SYN1: variants seen among roughly 807,000 people sequenced by gnomAD.
SYN1 encodes the protein synapsin-1.
SYN1 carries 8 observed loss-of-function variants against 44.6 expected under a neutral mutation model. The observed-to-expected ratio is 0.18, with a 90% CI of 0.11 to 0.32. The LOEUF (loss-of-function observed/expected upper bound fraction) is 0.32, where lower values mean the gene tolerates loss of function less well. Ranked by LOEUF, SYN1 falls within the 10% of genes least tolerant of loss-of-function variation. SYN1 has a pLI of 1.00. For missense variants in SYN1, 451 were observed against 639.4 expected, an observed-to-expected ratio of 0.71 and a Z score of 3.18; for synonymous variants, 275 against 280.1, an observed-to-expected ratio of 0.98 and a Z score of 0.18.
chrX:47,580,406 G>A (rs960519522), intron 5 of SYN1, among the ~76,000 whole-genome samples: 5 of 108,788 alleles, frequency 4.6e-5, no homozygotes, highest in Non-Finnish European at 7.7e-5. Context: ...TGAGGTGGGC[G>A]GATCACCCGA....
chrX:47,609,203 C>T (rs940382517), intron 1 of SYN1, among the ~76,000 whole-genome samples: 11 of 112,050 alleles, frequency 9.8e-5, no homozygotes, highest in African/African-American at 3.6e-4. Flanking sequence ...CTGCTCAGGC[C>T]TCCTCTTCAG....
chrX:47,583,787 G>A (rs1024396799), intron 5 of SYN1, among the ~76,000 whole-genome samples: 2 of 111,780 alleles, frequency 1.8e-5, no homozygotes, highest in African/African-American at 3.3e-5. Context: ...TGCCTCAAAC[G>A]TCACCTTCTC....
intron 1 of SYN1, among the ~76,000 whole-genome samples, chrX:47,618,779 T>C (rs761724438): frequency 2.0e-4 from 22 of 111,234 alleles, no homozygotes; most frequent in Admixed American, 1.1e-3. Context: ...CTAAATAGTT[T>C]AAAAGGGCTT....
intron 5 of SYN1, among the ~76,000 whole-genome samples, chrX:47,602,502 C>T (rs1330688550): frequency 9.0e-6 from 1 of 110,794 alleles, no homozygotes; most frequent in African/African-American, 3.3e-5. Flanking sequence ...AGTAGCTGGG[C>T]GTGGTGGCAC....
At chrX:47,580,415 G>A (rs991992356) in intron 5 of SYN1, among the ~76,000 whole-genome samples, 6 of 108,689 alleles carry the variant, frequency 5.5e-5, no homozygotes, top group East Asian at 3.0e-4. Flanking sequence ...CGGATCACCC[G>A]AGGTCAGGAG....
At chrX:47,607,270 C>T in intron 1 of SYN1, 72 bp from the exon 2 acceptor site, 1 of 994,783 alleles carries the variant, frequency 1.0e-6, no homozygotes. Context: ...GGCCCTTGAC[C>T]CTTTTGCCCC....
At chrX:47,603,830 T>C (rs1250284725) in intron 5 of SYN1, among the ~76,000 whole-genome samples, 9 of 109,476 alleles carry the variant, frequency 8.2e-5, no homozygotes, top group African/African-American at 3.0e-4. Context: ...ACATAGGTAC[T>C]CATAATTTAC....
rs1471611020 is a variant in SYN1 at position 47,574,543 on chromosome X, A to G, written c.1441T>C (p.Leu481=). The change falls in exon 12 of 13, where the codon TTG becomes CTG. Residue 481 remains leucine (L), a synonymous_variant. Coordinates refer to ENST00000295987, the MANE Select transcript of SYN1 (RefSeq NM_006950.3). Reference sequence around the variant, plus strand: ...CCCTGCGGGGGCGGGCGCTGCTGCAATGGGGGTCCCTGGCGCTGGGGGCCT... The same window carrying G: ...CCCTGCGGGGGCGGGCGCTGCTGCAGTGGGGGTCCCTGGCGCTGGGGGCCT... ...GPGPQRQGPP[L]QQRPPPQGQQ... 16 of 1,079,002 alleles carry G rather than the reference A, an allele frequency of 1.5e-5. No homozygotes were observed. The South Asian group carries it at 2.3e-4, about 16-fold the overall frequency. 88.9% of individuals were successfully genotyped at this position (1,079,002 alleles called of 1,213,427 possible). A position where few individuals can be genotyped will look rare whatever the true frequency, so the allele number is the denominator to read the frequency against.
chrX:47,583,087 C>G (rs2057806416), intron 5 of SYN1, among the ~76,000 whole-genome samples: 1 of 98,551 alleles, frequency 1.0e-5, no homozygotes, highest in Non-Finnish European at 2.1e-5. Flanking sequence ...TCCTCACCCC[C>G]AAACTCCTCA....
At chrX:47,580,494 G>C (rs1387128434) in intron 5 of SYN1, among the ~76,000 whole-genome samples, 1 of 109,791 alleles carries the variant, frequency 9.1e-6, no homozygotes, top group Non-Finnish European at 1.9e-5. Flanking sequence ...AGCCAGGCGT[G>C]GTGGCGTGTG....
At chrX:47,603,695 G>A (rs2057886550) in intron 5 of SYN1, among the ~76,000 whole-genome samples, 1 of 110,066 alleles carries the variant, frequency 9.1e-6, no homozygotes, top group African/African-American at 3.3e-5. Flanking sequence ...GTCAAAACAG[G>A]TACTTATAAT....
intron 5 of SYN1, among the ~76,000 whole-genome samples, chrX:47,604,314 G>A (rs750839753): frequency 6.3e-5 from 7 of 110,681 alleles, no homozygotes; most frequent in African/African-American, 1.3e-4. Context: ...GTGCAGTGGC[G>A]TGATCTCTGG....
chrX:47,618,848 AT>A (rs1298543263), intron 1 of SYN1, among the ~76,000 whole-genome samples: 3 of 111,915 alleles, frequency 2.7e-5, no homozygotes, highest in Admixed American at 1.9e-4. Context: ...CACAAGACCC[AT>A]TAGAGAAGGC....
chrX:47,605,418 G>C (rs1488589044), intron 3 of SYN1, 39 bp from the exon 4 acceptor site: 1 of 1,202,239 alleles, frequency 8.3e-7, no homozygotes, highest in Non-Finnish European at 1.1e-6. Flanking sequence ...AGTTCCCCCA[G>C]AAGCTCCCAA....
intron 5 of SYN1, among the ~76,000 whole-genome samples, chrX:47,595,538 G>A (rs954906685): frequency 1.3e-4 from 15 of 112,106 alleles, no homozygotes; most frequent in Non-Finnish European, 2.1e-4. Context: ...GCTTCTTGGT[G>A]TGTGTGTAAA....
At chrX:47,595,753 G>A (rs1255744613) in intron 5 of SYN1, among the ~76,000 whole-genome samples, 1 of 111,488 alleles carries the variant, frequency 9.0e-6, no homozygotes, top group African/African-American at 3.3e-5. Context: ...CCAGATCTTG[G>A]CTTTGAAATA....
At chrX:47,586,116 G>C (rs1431926954) in intron 5 of SYN1, 7 of 937,425 alleles carry the variant, frequency 7.5e-6, no homozygotes, top group Non-Finnish European at 4.0e-6. Context: ...GCTAGTCCAA[G>C]CCTGTTCCCT....
At chrX:47,617,510 G>C (rs916142755) in intron 1 of SYN1, among the ~76,000 whole-genome samples, 1 of 110,977 alleles carries the variant, frequency 9.0e-6, no homozygotes, top group African/African-American at 3.3e-5. Flanking sequence ...AAGCCCTTTG[G>C]GGGTATGAAT....
intron 5 of SYN1, among the ~76,000 whole-genome samples, chrX:47,600,202 GT>G (rs748705929): frequency 6.1e-4 from 63 of 102,997 alleles, no homozygotes; most frequent in Admixed American, 8.5e-4. Flanking sequence ...CAAAAAGGAA[GT>G]TTTTTTTTTT....
Sources: gnomAD v4.1 joint callset for allele counts (sites outside exome capture counted in the v4.1 genomes callset) on GRCh38, gnomAD v4.1.1 for gene constraint, MANE v1.5 for transcripts, NCBI Gene and HGNC (gene_info 2026-07-23, HGNC 2026-07-21) for gene names.